Variants in JMJD1C observed in about 807,000 individuals in gnomAD.
The protein encoded by JMJD1C is jumonji domain containing 1C, also known as jumonji domain-containing protein 1C.
Under a neutral mutation model 245.3 loss-of-function variants are expected in JMJD1C, and 31 were observed. That is an observed-to-expected ratio of 0.13 (90% CI 0.09 to 0.17). JMJD1C has a LOEUF of 0.17. Among genes scored for constraint, JMJD1C ranks in the 10% least tolerant of loss-of-function variants. The pLI, the probability that JMJD1C is intolerant of heterozygous loss-of-function variation, is 1.00. For missense variants in JMJD1C, 2,691 were observed against 3,000.2 expected (o/e 0.90, Z 2.41); for synonymous variants, 1,057 against 1,017.4 (o/e 1.04, Z -0.74).
chr10:63,424,517 T>C (rs1449055715), intron 1 of JMJD1C, among the ~76,000 whole-genome samples: 4 of 147,950 alleles, frequency 2.7e-5, no homozygotes, highest in African/African-American at 9.9e-5. Flanking sequence ...TTTTTTTTTT[T>C]TCTTTTTGAG....
chr10:63,492,099 T>C (rs1002958484), intron 1 of JMJD1C, among the ~76,000 whole-genome samples: 1 of 152,210 alleles, frequency 6.6e-6, no homozygotes, highest in Non-Finnish European at 1.5e-5. Context: ...TAAAGCGTGA[T>C]CTCGGCTCTC....
At chr10:63,267,437 G>A (rs1855728246) in intron 2 of JMJD1C, among the ~76,000 whole-genome samples, 1 of 152,062 alleles carries the variant, frequency 6.6e-6, no homozygotes, top group South Asian at 2.1e-4. Context: ...AAACAAATGG[G>A]TCCTACAGCT....
chr10:63,191,983 C>CAAAAA (rs10652559), intron 16 of JMJD1C, among the ~76,000 whole-genome samples: 2 of 60,824 alleles, frequency 3.3e-5, no homozygotes, highest in Admixed American at 2.2e-4. Context: ...GACTCTGTCT[C>CAAAAA]AAAAAAAAAA....
chr10:63,214,680 T>A lies in JMJD1C; in HGVS notation c.1487A>T (p.Lys496Met). Residue 496 changes from lysine (K) to methionine (M), a missense_variant, in exon 8 of 26, where the codon AAG (lysine) becomes ATG (methionine). Coordinates refer to ENST00000399262, the MANE Select transcript of JMJD1C (RefSeq NM_032776.3). The stretch of plus-strand genomic sequence containing the variant: ...GGGTGGTCTGGATACAAACTTCTCC[T>A]TTGGTAGCAATTCCATGGTATGTGT... Reference protein sequence around the residue: ...DKTHTMELLPKEKFVSRPPTP... With the variant: ...DKTHTMELLPMEKFVSRPPTP... The A allele has an allele frequency of 6.2e-7, 1 of 1,614,018 alleles. No homozygotes were observed. The highest frequency in any genetic ancestry group is 1.1e-5 in the South Asian group (1 of 91,066).
At chr10:63,404,765 G>A (rs950841006) in intron 1 of JMJD1C, among the ~76,000 whole-genome samples, 22 of 152,234 alleles carry the variant, frequency 1.4e-4, no homozygotes, top group African/African-American at 5.1e-4. Flanking sequence ...AATTAGGGAA[G>A]GAGGATAAAG....
intron 3 of JMJD1C, among the ~76,000 whole-genome samples, chr10:63,227,868 T>G (rs1270717459): frequency 6.6e-6 from 1 of 152,202 alleles, no homozygotes; most frequent in Non-Finnish European, 1.5e-5. Flanking sequence ...TGGCAACAGT[T>G]TTAAAACGTG....
chr10:63,287,327 C>T (rs901263436), intron 2 of JMJD1C, among the ~76,000 whole-genome samples: 1 of 152,236 alleles, frequency 6.6e-6, no homozygotes, highest in Non-Finnish European at 1.5e-5. Context: ...TAGGAGACAA[C>T]ACTGTTCTGT....
chr10:63,386,250 T>C (rs947940959), intron 1 of JMJD1C, among the ~76,000 whole-genome samples: 1 of 152,100 alleles, frequency 6.6e-6, no homozygotes, highest in Non-Finnish European at 1.5e-5. Flanking sequence ...GACCCCAGAA[T>C]CTGTACTGTG....
chr10:63,307,923 G>C (rs866834007), intron 2 of JMJD1C, among the ~76,000 whole-genome samples: 4 of 152,112 alleles, frequency 2.6e-5, no homozygotes, highest in African/African-American at 9.7e-5. Context: ...GCTGAGGCAG[G>C]CGGATCACTT....
intron 3 of JMJD1C, among the ~76,000 whole-genome samples, chr10:63,262,497 C>T (rs1424006473): frequency 1.3e-5 from 2 of 152,108 alleles, no homozygotes; most frequent in African/African-American, 4.8e-5. Flanking sequence ...AAAAGCTCTG[C>T]TATAAACCAG....
chr10:63,246,754 GACC>G (rs1433015572), intron 3 of JMJD1C, among the ~76,000 whole-genome samples: 4 of 152,130 alleles, frequency 2.6e-5, no homozygotes, highest in Middle Eastern at 3.4e-3. Context: ...TGTCTTTTCT[GACC>G]ACAACAGAAT....
At chr10:63,203,454 ACATTAATCTCTG>A (rs1490764792) in intron 10 of JMJD1C, 1 of 985,264 alleles carries the variant, frequency 1.0e-6, no homozygotes, top group Non-Finnish European at 1.2e-6. Context: ...TACTTGCCAA[ACATTAATCTCTG>A]ATATGCCACC....
At chr10:63,282,472 G>A (rs1315054692) in intron 2 of JMJD1C, among the ~76,000 whole-genome samples, 1 of 152,172 alleles carries the variant, frequency 6.6e-6, no homozygotes, top group East Asian at 1.9e-4. Flanking sequence ...TCAAAGTACT[G>A]ATATGCAACA....
chr10:63,335,014 C>T (rs575639051), intron 2 of JMJD1C, among the ~76,000 whole-genome samples: 32 of 113,382 alleles, frequency 2.8e-4, no homozygotes, highest in Non-Finnish European at 5.3e-4. Flanking sequence ...AGCCAAGACT[C>T]TGTCTTTGGA....
chr10:63,427,066 G>T lies in JMJD1C; in HGVS notation c.168+38429C>A, dbSNP rs372750047. 3.3e-5 allele frequency among the ~76,000 whole-genome samples: 5 copies of T among 152,320 alleles called. 1 individual carries two copies. The East Asian group carries it at 7.7e-4, about 23-fold the overall frequency. ...TTTATAATGTGGTTTGTGTATGTAA[G>T]TAATGCCGTCCACACTTATAACAGC... On this transcript the variant is annotated intron_variant, in intron 1 of 25. Transcript: ENST00000399262.
At chr10:63,414,618 T>G (rs918605067) in intron 1 of JMJD1C, among the ~76,000 whole-genome samples, 1 of 152,068 alleles carries the variant, frequency 6.6e-6, no homozygotes. Context: ...CCGGGCACAG[T>G]AGATGATGCC....
At chr10:63,462,039 C>CA (rs2133093870) in intron 1 of JMJD1C, among the ~76,000 whole-genome samples, 1 of 152,108 alleles carries the variant, frequency 6.6e-6, no homozygotes, top group Admixed American at 6.5e-5. Context: ...GCAGTAATGT[C>CA]AAAAATGTAT....
At chr10:63,464,753 CA>C (rs1266533121) in intron 1 of JMJD1C, among the ~76,000 whole-genome samples, 1 of 151,282 alleles carries the variant, frequency 6.6e-6, no homozygotes, top group Admixed American at 6.6e-5. Context: ...TAATTGACAA[CA>C]TTTTTCGTCT....
chr10:63,432,885 AT>A (rs1469921986), intron 1 of JMJD1C, among the ~76,000 whole-genome samples: 6 of 152,214 alleles, frequency 3.9e-5, no homozygotes, highest in African/African-American at 1.4e-4. Context: ...TGCTATGAAC[AT>A]TTCTTAATCT....
Sources: gnomAD v4.1 joint callset for allele counts (sites outside exome capture counted in the v4.1 genomes callset) on GRCh38, gnomAD v4.1.1 for gene constraint, MANE v1.5 for transcripts, NCBI Gene and HGNC (gene_info 2026-07-23, HGNC 2026-07-21) for gene names.